Variants in HEMK2 observed in about 807,000 individuals in gnomAD.
HEMK2 encodes methyltransferase HEMK2.
chr21:28,776,861 TA>T, the HEMK2 span, among the ~76,000 whole-genome samples: 5 of 152,186 alleles, frequency 3.3e-5, no homozygotes, highest in Admixed American at 1.3e-4. Context: ...GCTTTTATCC[TA>T]GCTGCTCTGG....
chr21:28,577,713 A>AT, the HEMK2 span, among the ~76,000 whole-genome samples: 1 of 152,144 alleles, frequency 6.6e-6, no homozygotes. Context: ...TTGACCTTAT[A>AT]TTTTTTAAAA....
At chr21:28,646,424 T>G in the HEMK2 span, among the ~76,000 whole-genome samples, 2 of 152,052 alleles carry the variant, frequency 1.3e-5, no homozygotes, top group Non-Finnish European at 1.5e-5. Context: ...TCCCTGAGAG[T>G]GGAGGGGGAA....
At chr21:28,859,107 A>G in the HEMK2 span, among the ~76,000 whole-genome samples, 1 of 152,220 alleles carries the variant, frequency 6.6e-6, no homozygotes. Flanking sequence ...ATTTCTACCT[A>G]GAAGCCTATA....
chr21:28,823,791 C>T, the HEMK2 span, among the ~76,000 whole-genome samples: 1 of 151,974 alleles, frequency 6.6e-6, no homozygotes, highest in Non-Finnish European at 1.5e-5. Flanking sequence ...CTTCATTCAG[C>T]ACATGTTAAG....
At chr21:28,676,646 G>A in the HEMK2 span, among the ~76,000 whole-genome samples, 209 of 152,296 alleles carry the variant, frequency 1.4e-3, no homozygotes, top group African/African-American at 4.5e-3. Flanking sequence ...TTGCAGCAGC[G>A]AGGAGCCTGG....
the HEMK2 span, among the ~76,000 whole-genome samples, chr21:28,633,091 C>A: frequency 6.6e-6 from 1 of 152,188 alleles, no homozygotes; most frequent in Non-Finnish European, 1.5e-5. Flanking sequence ...GATTGTGATA[C>A]ACTCACCCAC....
chr21:28,681,403 G>A, the HEMK2 span, among the ~76,000 whole-genome samples: 1 of 151,930 alleles, frequency 6.6e-6, no homozygotes, highest in Non-Finnish European at 1.5e-5. Context: ...AATAAAAGAG[G>A]ATACAAACAA....
chr21:28,814,435 G>A, the HEMK2 span, among the ~76,000 whole-genome samples: 12 of 151,596 alleles, frequency 7.9e-5, no homozygotes, highest in African/African-American at 2.9e-4. Context: ...TACCATCAGA[G>A]TGAACAGGCA....
the HEMK2 span, among the ~76,000 whole-genome samples, chr21:28,712,266 CA>C: frequency 6.6e-6 from 1 of 152,194 alleles, no homozygotes. Flanking sequence ...TCTCCCAAAA[CA>C]GATTACTTAC....
At chr21:28,617,427 A>C in the HEMK2 span, among the ~76,000 whole-genome samples, 1 of 152,240 alleles carries the variant, frequency 6.6e-6, no homozygotes, top group Non-Finnish European at 1.5e-5. Flanking sequence ...TAATGGTGTC[A>C]GTATCAAATC....
At chr21:28,670,364 T>G in the HEMK2 span, among the ~76,000 whole-genome samples, 2 of 152,198 alleles carry the variant, frequency 1.3e-5, no homozygotes, top group Admixed American at 6.5e-5. Flanking sequence ...TAAAATAGAA[T>G]TTATTCTGTC....
the HEMK2 span, among the ~76,000 whole-genome samples, chr21:28,851,597 G>A: frequency 6.6e-6 from 1 of 152,180 alleles, no homozygotes; most frequent in Non-Finnish European, 1.5e-5. Context: ...TTTTGCTGAG[G>A]TAGAAAGTCC....
chr21:28,598,101 CA>C, the HEMK2 span, among the ~76,000 whole-genome samples: 1 of 152,100 alleles, frequency 6.6e-6, no homozygotes, highest in Non-Finnish European at 1.5e-5. Context: ...CAGGTGTGCA[CA>C]AAAGTGTTCA....
the HEMK2 span, among the ~76,000 whole-genome samples, chr21:28,596,511 T>G: frequency 6.6e-6 from 1 of 152,210 alleles, no homozygotes; most frequent in Non-Finnish European, 1.5e-5. Flanking sequence ...TTGTTACATA[T>G]GAATAATTCT....
chr21:28,813,555 T>G, the HEMK2 span, among the ~76,000 whole-genome samples: 1 of 152,198 alleles, frequency 6.6e-6, no homozygotes, highest in Non-Finnish European at 1.5e-5. Context: ...ACTGACTTTC[T>G]TCACAGAATA....
chr21:28,883,726 G>C, the HEMK2 span, among the ~76,000 whole-genome samples: 1 of 152,050 alleles, frequency 6.6e-6, no homozygotes, highest in Non-Finnish European at 1.5e-5. Context: ...CTTGGAAGTT[G>C]CTTCTTTTTT....
the HEMK2 span, among the ~76,000 whole-genome samples, chr21:28,699,547 T>TA: frequency 2.6e-5 from 4 of 152,244 alleles, no homozygotes; most frequent in African/African-American, 9.6e-5. Flanking sequence ...CATGATTTTT[T>TA]AAAGTATCAT....
chr21:28,696,720 T>C, the HEMK2 span, among the ~76,000 whole-genome samples: 1 of 152,096 alleles, frequency 6.6e-6, no homozygotes, highest in Non-Finnish European at 1.5e-5. Flanking sequence ...AGGTTCTCCA[T>C]GAGGGCTCTG....
At chr21:28,858,646 C>T in the HEMK2 span, among the ~76,000 whole-genome samples, 2 of 151,992 alleles carry the variant, frequency 1.3e-5, no homozygotes, top group Admixed American at 6.6e-5. Context: ...GAGGGAAGGA[C>T]AAGTATTGCT....
Sources: allele counts gnomAD v4.1 joint callset (sites outside exome capture counted in the v4.1 genomes callset), GRCh38; gene constraint gnomAD v4.1.1; transcripts MANE v1.5; gene names NCBI Gene and HGNC (gene_info 2026-07-23, HGNC 2026-07-21).